The following EPC2 variants were observed in gnomAD, a reference collection of about 807,000 sequenced individuals.
EPC2 encodes the protein enhancer of polycomb homolog 2.
Under a neutral mutation model 92.1 loss-of-function variants are expected in EPC2, and 14 were observed. The observed-to-expected ratio is 0.15, with a 90% CI of 0.10 to 0.24. The LOEUF is 0.24. EPC2 is among the 10% of genes least tolerant of loss of function. The pLI, the probability that EPC2 is intolerant of heterozygous loss-of-function variation, is 1.00. For missense variants in EPC2, 755 were observed against 971.5 expected (o/e 0.78, Z 2.96); for synonymous variants, 340 against 334.7 (o/e 1.02, Z -0.17).
chr2:148,664,934 T>TA (rs1681029917), intron 1 of EPC2, among the ~76,000 whole-genome samples: 1 of 152,220 alleles, frequency 6.6e-6, no homozygotes, highest in Admixed American at 6.5e-5. Context: ...GGTAAATACA[T>TA]ACCTGAAGGT....
At chr2:148,662,613 A>G (rs1680961388) in intron 1 of EPC2, among the ~76,000 whole-genome samples, 1 of 152,084 alleles carries the variant, frequency 6.6e-6, no homozygotes, top group Non-Finnish European at 1.5e-5. Flanking sequence ...TGGGAATTGA[A>G]CAATGAGAAC....
chr2:148,743,797 C>T (rs767606466), intron 3 of EPC2, 30 bp downstream of exon 3: 101 of 1,468,020 alleles, frequency 6.9e-5, no homozygotes, highest in Non-Finnish European at 8.9e-5. Context: ...TGTCTCTTAT[C>T]TTCTAGTTAA....
chr2:148,707,751 G>A (rs1682035970), intron 2 of EPC2, among the ~76,000 whole-genome samples: 1 of 152,102 alleles, frequency 6.6e-6, no homozygotes, highest in African/African-American at 2.4e-5. Context: ...AATGACTACT[G>A]GGTACATAAC....
intron 1 of EPC2, among the ~76,000 whole-genome samples, chr2:148,685,500 C>T (rs956376463): frequency 4.6e-5 from 7 of 152,202 alleles, no homozygotes; most frequent in Admixed American, 4.6e-4. Flanking sequence ...GTGGCTCACG[C>T]CTGTAATCCC....
chr2:148,726,278 A>G (rs1682492105), intron 2 of EPC2, among the ~76,000 whole-genome samples: 1 of 152,144 alleles, frequency 6.6e-6, no homozygotes, highest in African/African-American at 2.4e-5. Flanking sequence ...CGTCTCTTCA[A>G]GGTCTTGTTT....
At chr2:148,722,823 G>A (rs370566472) in intron 2 of EPC2, among the ~76,000 whole-genome samples, 2 of 152,118 alleles carry the variant, frequency 1.3e-5, no homozygotes, top group Non-Finnish European at 2.9e-5. Context: ...ACATATACAC[G>A]ATACATATAT....
At chr2:148,672,411 C>T (rs114787960) in intron 1 of EPC2, among the ~76,000 whole-genome samples, 211 of 152,248 alleles carry the variant, frequency 1.4e-3, no homozygotes, top group Non-Finnish European at 2.5e-3. Context: ...TTCATCTACT[C>T]TATCTCTCAC....
At chr2:148,757,503 A>T (rs1435796923) in intron 4 of EPC2, among the ~76,000 whole-genome samples, 1 of 152,178 alleles carries the variant, frequency 6.6e-6, no homozygotes, top group Non-Finnish European at 1.5e-5. Flanking sequence ...AGTGACACCC[A>T]GTAGAAATGG....
At chr2:148,744,997 C>CCCCT (rs1553448441) in intron 3 of EPC2, among the ~76,000 whole-genome samples, 1 of 124,810 alleles carries the variant, frequency 8.0e-6, no homozygotes, top group Non-Finnish European at 1.9e-5. Flanking sequence ...TTGCCCCCCC[C>CCCCT]CCCCGCACCA....
intron 2 of EPC2, among the ~76,000 whole-genome samples, chr2:148,734,017 T>C (rs1335149201): frequency 6.6e-6 from 1 of 152,142 alleles, no homozygotes; most frequent in East Asian, 1.9e-4. Flanking sequence ...GGAAAACATA[T>C]AGGAAAAGAA....
chr2:148,723,405 T>C (rs557067250), intron 2 of EPC2, among the ~76,000 whole-genome samples: 38 of 152,322 alleles, frequency 2.5e-4, no homozygotes, highest in Non-Finnish European at 5.0e-4. Flanking sequence ...TTTTAATCTC[T>C]CAGAATTGGC....
intron 10 of EPC2, among the ~76,000 whole-genome samples, chr2:148,774,096 T>C (rs1683576497): frequency 6.6e-6 from 1 of 152,140 alleles, no homozygotes; most frequent in Non-Finnish European, 1.5e-5. Context: ...GCTAAACAGA[T>C]TATTAGTACT....
At chr2:148,690,502 T>A in intron 2 of EPC2, 129 bp downstream of exon 2, 3 of 832,060 alleles carry the variant, frequency 3.6e-6, no homozygotes, top group Non-Finnish European at 5.4e-6. Flanking sequence ...TGTTAAACAT[T>A]AAAGAATAAA....
intron 3 of EPC2, among the ~76,000 whole-genome samples, chr2:148,746,683 T>C (rs1682991903): frequency 6.6e-6 from 1 of 152,138 alleles, no homozygotes; most frequent in African/African-American, 2.4e-5. Context: ...TTTTCAATGT[T>C]AAATTTACTA....
At chr2:148,707,048 A>G (rs1682016307) in intron 2 of EPC2, among the ~76,000 whole-genome samples, 2 of 152,166 alleles carry the variant, frequency 1.3e-5, no homozygotes, top group Admixed American at 1.3e-4. Context: ...AAAGACACAG[A>G]CTGGAAATTG....
chr2:148,739,454 G>A (rs756007441), intron 2 of EPC2, among the ~76,000 whole-genome samples: 6 of 152,088 alleles, frequency 3.9e-5, no homozygotes, highest in Non-Finnish European at 8.8e-5. Flanking sequence ...AAATAGCTGT[G>A]CTTATTAGAT....
chr2:148,661,522 T>C (rs4972289), intron 1 of EPC2, among the ~76,000 whole-genome samples: 146,742 of 152,224 alleles, frequency 0.96, 70,956 homozygotes, highest in Middle Eastern at 1. Context: ...CTGTTGTGTT[T>C]GCAAATACTT....
In EPC2 at chr2:148,770,780, C is replaced by G; in HGVS notation, c.1231-12C>G. The G allele has an allele frequency of 1.9e-6, 3 of 1,583,088 alleles. No individual in the cohort carries two copies. Among genetic ancestry groups the G allele is most frequent in the Non-Finnish European group, 2.6e-6 (3 of 1,170,866 alleles). On this transcript the variant is annotated splice_polypyrimidine_tract_variant and intron_variant, in intron 8 of 13. Transcript: ENST00000258484. Reference sequence around the variant, plus strand: ...ATGAGTTTTTTGTTTTTTGTTTTTTCTTTCTTTGCAGCCTCGTTTGGACCA... The same window carrying G: ...ATGAGTTTTTTGTTTTTTGTTTTTTGTTTCTTTGCAGCCTCGTTTGGACCA...
In EPC2 at chr2:148,646,937, C is replaced by T. The variant is rs555463693; in HGVS notation, c.153+1767C>T. On this transcript the variant is annotated intron_variant, in intron 1 of 13. Coordinates refer to ENST00000258484, the MANE Select transcript of EPC2 (RefSeq NM_015630.4). Reference sequence around the variant, plus strand: ...CCAGCCTGGCCAGTATGGTGAAACTCCGTCTCCACTAAAAATACAAAAATT... The same window carrying T: ...CCAGCCTGGCCAGTATGGTGAAACTTCGTCTCCACTAAAAATACAAAAATT... 1.1e-3 allele frequency among the ~76,000 whole-genome samples: 163 copies of T among 152,110 alleles called. 1 individual carries two copies. The highest frequency in any genetic ancestry group is 3.8e-3 in the African/African-American group (156 of 41,500).
Sources: allele counts gnomAD v4.1 joint callset (sites outside exome capture counted in the v4.1 genomes callset), GRCh38; gene constraint gnomAD v4.1.1; transcripts MANE v1.5; gene names NCBI Gene and HGNC (gene_info 2026-07-23, HGNC 2026-07-21).